The following MON1B variants were observed in gnomAD, a reference collection of about 807,000 sequenced individuals.
MON1B encodes the protein MON1 vesicular trafficking associated B.
Under a neutral mutation model 45.1 loss-of-function variants are expected in MON1B, and 26 were observed. That is an observed-to-expected ratio of 0.58 (90% CI 0.42 to 0.80). The LOEUF (loss-of-function observed/expected upper bound fraction) is 0.80, where lower values mean the gene tolerates loss of function less well. Ranked by LOEUF, MON1B falls within the 30% of genes least tolerant of loss-of-function variation. The pLI, the probability that MON1B is intolerant of heterozygous loss-of-function variation, is 0.00. For missense variants in MON1B, 737 were observed against 754.5 expected, an observed-to-expected ratio of 0.98 and a Z score of 0.27; for synonymous variants, 395 against 320.2, an observed-to-expected ratio of 1.23 and a Z score of -2.49.
In MON1B at chr16:77,199,488, C is replaced by T. The variant is rs1217177613; in HGVS notation, c.*1180C>T. 5.2e-6 allele frequency: 8 copies of T among 1,551,270 alleles called. No homozygotes were observed. ...GCTGAAACCTCTGAATGTGGAGGCG[C>T]CAGAAGCTACTGAGGAGGCTGAAGG... On this transcript the variant is annotated 3_prime_UTR_variant, in exon 6 of 6. Transcript: ENST00000248248.
chr16:77,199,265 G>C lies in MON1B; in HGVS notation c.*957G>C, dbSNP rs1003894573. ...TTGTTTGTGGAGTTACAGCCTCAAG[G>C]TTGTAGCATGTGTGCTGGCAATCAG... On this transcript the variant is annotated 3_prime_UTR_variant, in exon 6 of 6. Coordinates refer to ENST00000248248, the MANE Select transcript of MON1B (RefSeq NM_014940.4). The C allele has an allele frequency of 1.0e-5, 6 of 600,606 alleles. No individual in the cohort carries two copies. The highest frequency in any genetic ancestry group is 1.8e-5 in the Non-Finnish European group (6 of 332,890). 37.2% of individuals were successfully genotyped at this position (600,606 alleles called of 1,614,324 possible).
chr16:77,199,695 C>T lies in MON1B; in HGVS notation c.*1387C>T. On this transcript the variant is annotated 3_prime_UTR_variant, in exon 6 of 6. Transcript: ENST00000248248. ...AGCACAGTGGAGATAAATTAACAGG[C>T]ATATTCTTATCACCGAGATTAACTT... 1 of 548,038 alleles carries T rather than the reference C, an allele frequency of 1.8e-6. No homozygotes were observed. The highest frequency in any genetic ancestry group is 3.2e-6 in the Non-Finnish European group (1 of 310,748). The allele number at this position is 548,038 out of a possible 1,614,324, so 33.9% of individuals were successfully genotyped here.
At position 77,195,640 on chromosome 16, in the gene MON1B, C is replaced by A; in HGVS notation, c.1401C>A (p.Arg467=). The change falls in exon 5 of 6, where the codon CGC becomes CGA. Residue 467 remains arginine (R), a synonymous_variant. Coordinates refer to ENST00000248248, the MANE Select transcript of MON1B (RefSeq NM_014940.4). ...TCCACAGCACCTCCCGACCCCTGCG[C>A]CTCATTTACCACGTGGCTGAGAAGG... ...ARLHSTSRPL[R]LIYHVAEKET... 5 of 1,614,176 alleles carry A rather than the reference C, an allele frequency of 3.1e-6. No individual in the cohort carries two copies. Among genetic ancestry groups the A allele is most frequent in the Non-Finnish European group, 4.2e-6 (5 of 1,180,036 alleles).
In MON1B at chr16:77,199,326, T is replaced by C. The variant is rs895465627; in HGVS notation, c.*1018T>C. 3 of 879,866 alleles carry C rather than the reference T, an allele frequency of 3.4e-6. No individual in the cohort carries two copies. Among genetic ancestry groups the C allele is most frequent in the Non-Finnish European group, 3.6e-6 (2 of 562,026 alleles). 54.5% of individuals were successfully genotyped at this position (879,866 alleles called of 1,614,324 possible). A position where few individuals can be genotyped will look rare whatever the true frequency, so the allele number is the denominator to read the frequency against. The stretch of plus-strand genomic sequence containing the variant: ...TGTTCTGCGCCTGCCCAGAGCTGAC[T>C]CCTGATTTAACCGCTGGCGTAACCG... On this transcript the variant is annotated 3_prime_UTR_variant, in exon 6 of 6. Transcript: ENST00000248248.
At position 77,199,102 on chromosome 16, in the gene MON1B, C is replaced by G. The variant is rs1379346545; in HGVS notation, c.*794C>G. ...AGACTCGAACTATTGTGTACCACCA[C>G]ATAGCACATGCACGTCTGTCCCAGA... On this transcript the variant is annotated 3_prime_UTR_variant, in exon 6 of 6. Coordinates refer to ENST00000248248, the MANE Select transcript of MON1B (RefSeq NM_014940.4). 1 of 271,974 alleles carries G rather than the reference C, an allele frequency of 3.7e-6. No homozygotes were observed. The highest frequency in any genetic ancestry group is 6.9e-6 in the Non-Finnish European group (1 of 144,982). The allele number at this position is 271,974 out of a possible 1,614,324, so 16.8% of individuals were successfully genotyped here.
In MON1B at chr16:77,193,851, C is replaced by G. The variant is rs2142497814; in HGVS notation, c.475+74C>G. The G allele has an allele frequency of 1.4e-6, 2 of 1,460,006 alleles. No individual in the cohort carries two copies. The highest frequency in any genetic ancestry group is 1.8e-6 in the Non-Finnish European group (2 of 1,081,494). The allele number at this position is 1,460,006 out of a possible 1,614,324, so 90.4% of individuals were successfully genotyped here. ...GGCTGGCACGGGTAGGTCTGTCTGC[C>G]TCAGGCACTATCCAGCCAGCCAGGG... On this transcript the variant is annotated intron_variant, in intron 3 of 5. Transcript: ENST00000248248. This position sits in a 1 kb window ranked among gnomAD's most constrained non-coding sequence, Gnocchi z 5.0.
In MON1B at chr16:77,200,291, T is replaced by TATACATATATATATATATACAC; in HGVS notation, c.*1984_*1985insTACATATATATATATATACACA. The TATACATATATATATATATACAC allele has an allele frequency of 9.0e-6, 1 of 111,430 alleles. No individual in the cohort carries two copies. The highest frequency in any genetic ancestry group is 3.4e-5 in the African/African-American group (1 of 29,728). 6.9% of individuals were successfully genotyped at this position (111,430 alleles called of 1,614,324 possible). On this transcript the variant is annotated 3_prime_UTR_variant, in exon 6 of 6. Coordinates refer to ENST00000248248, the MANE Select transcript of MON1B (RefSeq NM_014940.4). ...ATATATGTGTATATATATATATATA[T>TATACATATATATATATATACAC]ACACACACTAATCAGCCGGGCGCGG...
In MON1B at chr16:77,199,186, GTGTGTGTGCACACTACCC is replaced by G; in HGVS notation, c.*880_*897del. ...GCAGGAGAGACCTCCCTAGGGTTTT[GTGTGTGTGCACACTACCC>G]TCACTCCCCAACTGGCCATTACCCT... On this transcript the variant is annotated 3_prime_UTR_variant, in exon 6 of 6. Coordinates refer to ENST00000248248, the MANE Select transcript of MON1B (RefSeq NM_014940.4). The G allele has an allele frequency of 4.3e-6, 2 of 461,534 alleles. No homozygotes were observed. Among genetic ancestry groups the G allele is most frequent in the Admixed American group, 7.6e-5 (2 of 26,178 alleles). 28.6% of individuals were successfully genotyped at this position (461,534 alleles called of 1,614,324 possible). A position where few individuals can be genotyped will look rare whatever the true frequency, so the allele number is the denominator to read the frequency against.
At position 77,194,241 on chromosome 16, in the gene MON1B, G is replaced by A. The variant is rs775514296; in HGVS notation, c.476-94G>A. 3 of 1,134,490 alleles carry A rather than the reference G, an allele frequency of 2.6e-6. No homozygotes were observed. Among genetic ancestry groups the A allele is most frequent in the Admixed American group, 1.7e-5 (1 of 59,284 alleles). 70.3% of individuals were successfully genotyped at this position (1,134,490 alleles called of 1,614,324 possible). A position where few individuals can be genotyped will look rare whatever the true frequency, so the allele number is the denominator to read the frequency against. ...GAGCATGTGGACTCGGGCCTGGTGT[G>A]TGTATGGTAGGAGAGGGCAGAAGAG... On this transcript the variant is annotated intron_variant, in intron 3 of 5. Coordinates refer to ENST00000248248, the MANE Select transcript of MON1B (RefSeq NM_014940.4). This position sits in a 1 kb window ranked among gnomAD's most constrained non-coding sequence, Gnocchi z 8.1.
intron 4 of MON1B, 53 bp downstream of exon 4, chr16:77,195,207 G>A (rs1374028724): frequency 2.8e-6 from 4 of 1,442,946 alleles, no homozygotes; most frequent in Non-Finnish European, 3.7e-6. Context: ...GTCAAACCAG[G>A]AAGTTCAGCA....
chr16:77,194,142 C>G lies in MON1B; in HGVS notation c.476-193C>G. 1 of 672,390 alleles carries G rather than the reference C, an allele frequency of 1.5e-6. No individual in the cohort carries two copies. Among genetic ancestry groups the G allele is most frequent in the Non-Finnish European group, 2.7e-6 (1 of 376,670 alleles). 41.7% of individuals were successfully genotyped at this position (672,390 alleles called of 1,614,324 possible). The stretch of plus-strand genomic sequence containing the variant: ...GTATCTAACCTACTTGTTCCTTTGT[C>G]CATCCCATCATGTCTCTGCAAATGT... On this transcript the variant is annotated intron_variant, in intron 3 of 5. Transcript: ENST00000248248. This position sits in a 1 kb window ranked among gnomAD's most constrained non-coding sequence, Gnocchi z 8.1.
rs2054644419 is a variant in MON1B at position 77,194,527 on chromosome 16, C to G, written c.668C>G (p.Ala223Gly). The G allele has an allele frequency of 1.4e-5, 23 of 1,614,098 alleles. No individual in the cohort carries two copies. The highest frequency in any genetic ancestry group is 1.9e-5 in the Non-Finnish European group (23 of 1,180,048). The change falls in exon 4 of 6, where the codon GCT becomes GGT. Residue 223 changes from alanine (A) to glycine (G), a missense_variant. Transcript: ENST00000248248. The surrounding 1 kb of genome is among the most constrained non-coding windows in gnomAD (Gnocchi z 8.1). ...AACTATGACCTCCGCCGCCTGCTGGCTGGTTCAGAGCGCACACTGGACCGA... is the reference window on the plus strand; with the variant it reads ...AACTATGACCTCCGCCGCCTGCTGGGTGGTTCAGAGCGCACACTGGACCGA... Reference protein sequence around the residue: ...KQNYDLRRLLAGSERTLDRLL... With the variant: ...KQNYDLRRLLGGSERTLDRLL...
In MON1B at chr16:77,201,063, C is replaced by T. The variant is rs1016387201; in HGVS notation, c.*2755C>T. On this transcript the variant is annotated 3_prime_UTR_variant, in exon 6 of 6. Transcript: ENST00000248248. Reference sequence around the variant, plus strand: ...TAATGATTATTGCTTATTGCCTGACCTAGGATGTGAGCTCCATGAGAACAG... The same window carrying T: ...TAATGATTATTGCTTATTGCCTGACTTAGGATGTGAGCTCCATGAGAACAG... 1 of 152,192 alleles carries T rather than the reference C, an allele frequency of 6.6e-6. No homozygotes were observed. The highest frequency in any genetic ancestry group is 6.5e-5 in the Admixed American group (1 of 15,284). 9.4% of individuals were successfully genotyped at this position (152,192 alleles called of 1,614,324 possible).
chr16:77,198,483 G>GAGAGATGGTGGCAGCCGC lies in MON1B; in HGVS notation c.*175_*176insAGAGATGGTGGCAGCCGC. The GAGAGATGGTGGCAGCCGC allele has an allele frequency of 2.9e-6, 2 of 691,498 alleles. No homozygotes were observed. The highest frequency in any genetic ancestry group is 4.8e-6 in the Non-Finnish European group (2 of 415,310). The allele number at this position is 691,498 out of a possible 1,614,324, so 42.8% of individuals were successfully genotyped here. A position where few individuals can be genotyped will look rare whatever the true frequency, so the allele number is the denominator to read the frequency against. On this transcript the variant is annotated 3_prime_UTR_variant, in exon 6 of 6. Coordinates refer to ENST00000248248, the MANE Select transcript of MON1B (RefSeq NM_014940.4). ...AGAGATGGTGGCAGCCGCCAGGCGAGCAGGCTGCTTTCCCTGCCCAGTCAT... is the reference window on the plus strand; with the variant it reads ...AGAGATGGTGGCAGCCGCCAGGCGAGAGAGATGGTGGCAGCCGCCAGGCTGCTTTCCCTGCCCAGTCAT...
chr16:77,192,914 A>G (rs2054628276), intron 2 of MON1B, among the ~76,000 whole-genome samples: 1 of 152,108 alleles, frequency 6.6e-6, no homozygotes, highest in Admixed American at 6.5e-5. Context: ...ATTACCAAGA[A>G]TATAAATGGG....
chr16:77,197,372 G>A (rs138290361), intron 5 of MON1B, among the ~76,000 whole-genome samples: 2 of 152,118 alleles, frequency 1.3e-5, no homozygotes, highest in African/African-American at 4.8e-5. Context: ...CTCCAGCCTG[G>A]GTAACAGAGT....
At chr16:77,195,465 G>C in intron 4 of MON1B, 70 bp from the exon 5 acceptor site, 2 of 1,502,834 alleles carry the variant, frequency 1.3e-6, no homozygotes, top group Non-Finnish European at 1.8e-6. Flanking sequence ...TCTCTAGACT[G>C]AGGGAGGAAA....
At position 77,198,428 on chromosome 16, in the gene MON1B, T is replaced by C; in HGVS notation, c.*120T>C. 1 of 1,156,246 alleles carries C rather than the reference T, an allele frequency of 8.6e-7. No homozygotes were observed. 71.6% of individuals were successfully genotyped at this position (1,156,246 alleles called of 1,614,324 possible). A position where few individuals can be genotyped will look rare whatever the true frequency, so the allele number is the denominator to read the frequency against. ...GGCCAGTCATTGTCTCCCTAAGCAA[T>C]GGGGCAAGGTCTGAGGGCCCACCGA... is the stretch of plus-strand genomic sequence containing the variant. On this transcript the variant is annotated 3_prime_UTR_variant, in exon 6 of 6. Coordinates refer to ENST00000248248, the MANE Select transcript of MON1B (RefSeq NM_014940.4).
In MON1B at chr16:77,201,001, C is replaced by T. The variant is rs901469939; in HGVS notation, c.*2693C>T. ...CCACTGTATTAACAAACACATTAGA[C>T]TGCATCCTGCCAGACCTACCCATAC... On this transcript the variant is annotated 3_prime_UTR_variant, in exon 6 of 6. Coordinates refer to ENST00000248248, the MANE Select transcript of MON1B (RefSeq NM_014940.4). 6.6e-6 allele frequency: 1 copy of T among 152,192 alleles called. No individual in the cohort carries two copies. The highest frequency in any genetic ancestry group is 1.5e-5 in the Non-Finnish European group (1 of 68,036). The allele number at this position is 152,192 out of a possible 1,614,324, so 9.4% of individuals were successfully genotyped here. A position where few individuals can be genotyped will look rare whatever the true frequency, so the allele number is the denominator to read the frequency against.
Sources: gnomAD v4.1 joint callset for allele counts (sites outside exome capture counted in the v4.1 genomes callset) on GRCh38, gnomAD v4.1.1 for gene constraint, Gnocchi (gnomAD v3.1) non-coding constraint, MANE v1.5 for transcripts, NCBI Gene and HGNC (gene_info 2026-07-23, HGNC 2026-07-21) for gene names.